Variants in EFHC2 observed in about 807,000 individuals in gnomAD.
EFHC2 encodes EF-hand domain containing 2.
A neutral mutation model predicts 52.7 loss-of-function variants in EFHC2; 18 were observed. The observed-to-expected ratio is 0.34, with a 90% confidence interval of 0.24 to 0.51. The LOEUF (loss-of-function observed/expected upper bound fraction) is 0.51, where lower values mean the gene tolerates loss of function less well. Ranked by LOEUF, EFHC2 falls within the 20% of genes least tolerant of loss-of-function variation. EFHC2 has a pLI of 0.97. For synonymous variants in EFHC2, 203 were observed against 204.1 expected, an observed-to-expected ratio of 0.99 and a Z score of 0.04; for missense variants, 513 against 562.5, an observed-to-expected ratio of 0.91 and a Z score of 0.89.
chrX:44,303,808 C>T (rs183741628), intron 2 of EFHC2, among the ~76,000 whole-genome samples: 1 of 110,921 alleles, frequency 9.0e-6, no homozygotes, highest in Admixed American at 9.6e-5. Context: ...TTCAATTGTG[C>T]GGTCAGTAGT....
chrX:44,152,383 G>A (rs977031502), intron 14 of EFHC2, among the ~76,000 whole-genome samples: 1 of 111,926 alleles, frequency 8.9e-6, no homozygotes, highest in Non-Finnish European at 1.9e-5. Context: ...AACTATGCTC[G>A]TCTGCGGGGC....
At chrX:44,324,153 A>G (rs1421877387) in intron 1 of EFHC2, among the ~76,000 whole-genome samples, 12 of 110,506 alleles carry the variant, frequency 1.1e-4, no homozygotes, top group Admixed American at 3.9e-4. Flanking sequence ...AACCTAAGAT[A>G]ATTTTCAGAC....
At chrX:44,163,805 T>C in intron 14 of EFHC2, 117 bp downstream of exon 14, 1 of 547,089 alleles carries the variant, frequency 1.8e-6, no homozygotes. Context: ...ACATAAGCAC[T>C]CTTTCCAAAA....
intron 14 of EFHC2, among the ~76,000 whole-genome samples, chrX:44,159,917 G>A (rs1008108927): frequency 1.8e-5 from 2 of 112,723 alleles, no homozygotes; most frequent in East Asian, 5.6e-4. Flanking sequence ...CTATGGGAGA[G>A]GTATTGTGGT....
At chrX:44,292,595 C>G (rs754667341) in intron 2 of EFHC2, among the ~76,000 whole-genome samples, 1 of 111,735 alleles carries the variant, frequency 8.9e-6, no homozygotes, top group Non-Finnish European at 1.9e-5. Context: ...TTTTCTTACA[C>G]TTATTCACAT....
chrX:44,207,999 T>A (rs1485211689), intron 11 of EFHC2, among the ~76,000 whole-genome samples: 2 of 112,227 alleles, frequency 1.8e-5, no homozygotes, highest in Non-Finnish European at 3.8e-5. Flanking sequence ...AAATAACAGA[T>A]GCTGGCAAGG....
At chrX:44,199,582 G>C (rs1036582104) in intron 11 of EFHC2, among the ~76,000 whole-genome samples, 2 of 112,121 alleles carry the variant, frequency 1.8e-5, no homozygotes, top group Non-Finnish European at 3.8e-5. Context: ...TAGCAGGTGA[G>C]TTTGAGAAAA....
intron 2 of EFHC2, among the ~76,000 whole-genome samples, chrX:44,293,014 G>T (rs1420304548): frequency 6.2e-5 from 6 of 96,431 alleles, no homozygotes; most frequent in African/African-American, 1.6e-4. Context: ...TCGCTCTGTC[G>T]CCCAGGCTGG....
chrX:44,161,253 T>C (rs374837277), intron 14 of EFHC2, among the ~76,000 whole-genome samples: 16 of 112,044 alleles, frequency 1.4e-4, no homozygotes, highest in African/African-American at 4.9e-4. Context: ...ATGGCAGACA[T>C]ATACAAACTG....
rs756268564 is a variant in EFHC2, at chrX:44,247,368, C to G, written c.1111+904G>C. On this transcript the variant is annotated intron_variant, in intron 7 of 14. Transcript: ENST00000420999. ...TCATCTCATTCTAGTGACAAAGCAC[C>G]TTGTCTTTCAAGAAGCTGCGGTTGC... Among the ~76,000 whole-genome samples the G allele has an allele frequency of 7.2e-5, 8 of 111,870 alleles. No homozygotes were observed. In the East Asian group the frequency reaches 2.3e-3, roughly 32 times the overall value.
rs1230061144 is a variant in EFHC2 at position 44,229,889 on chromosome X, G to T, written c.1621-110C>A. The T allele has an allele frequency of 1.1e-5, 9 of 805,625 alleles. No individual in the cohort carries two copies. The African/African-American group carries it at 1.9e-4, about 17-fold the overall frequency. The allele number at this position is 805,625 out of a possible 1,213,427, so 66.4% of individuals were successfully genotyped here. A position where few individuals can be genotyped will look rare whatever the true frequency, so the allele number is the denominator to read the frequency against. Reference sequence around the variant, plus strand: ...ACTTCACACTGTGAATATGAAGTTAGCAGATTTGTCTTTGCAAAGAAACCA... The same window carrying T: ...ACTTCACACTGTGAATATGAAGTTATCAGATTTGTCTTTGCAAAGAAACCA... On this transcript the variant is annotated intron_variant, in intron 10 of 14. Transcript: ENST00000420999.
At chrX:44,315,593 A>G (rs2037978082) in intron 1 of EFHC2, among the ~76,000 whole-genome samples, 1 of 111,192 alleles carries the variant, frequency 9.0e-6, no homozygotes, top group Non-Finnish European at 1.9e-5. Flanking sequence ...TCTGAACCTA[A>G]GATCATGTGA....
intron 11 of EFHC2, among the ~76,000 whole-genome samples, chrX:44,209,597 GTGACAAGCT>G (rs1241836732): frequency 6.4e-5 from 7 of 109,777 alleles, no homozygotes; most frequent in African/African-American, 2.3e-4. Flanking sequence ...AAAATATTTA[GTGACAAGCT>G]TGACACGAGA....
intron 1 of EFHC2, among the ~76,000 whole-genome samples, chrX:44,341,933 G>A (rs2038154214): frequency 8.9e-6 from 1 of 112,626 alleles, no homozygotes; most frequent in Admixed American, 9.4e-5. Flanking sequence ...GCACGTGAGA[G>A]CTATGATACT....
intron 1 of EFHC2, among the ~76,000 whole-genome samples, chrX:44,338,945 C>T (rs2038134460): frequency 9.0e-6 from 1 of 111,347 alleles, no homozygotes; most frequent in South Asian, 3.7e-4. Flanking sequence ...AATCCCAGCA[C>T]TTTGGGAGGC....
chrX:44,150,653 CTG>C (rs1360063117), intron 14 of EFHC2, among the ~76,000 whole-genome samples: 1 of 111,561 alleles, frequency 9.0e-6, no homozygotes, highest in African/African-American at 3.3e-5. Flanking sequence ...AGAAAAATGA[CTG>C]TGCCATAACC....
intron 7 of EFHC2, among the ~76,000 whole-genome samples, chrX:44,245,047 T>C (rs890223132): frequency 4.5e-5 from 5 of 111,916 alleles, no homozygotes; most frequent in Non-Finnish European, 9.4e-5. Context: ...CTTCATTTCA[T>C]AGGGGAAGCA....
chrX:44,302,594 T>C lies in EFHC2; in HGVS notation c.231+9974A>G, dbSNP rs186955070. Among the ~76,000 whole-genome samples the C allele has an allele frequency of 9.8e-5, 11 of 112,671 alleles. No individual in the cohort carries two copies. The East Asian group carries it at 3.0e-3, about 31-fold the overall frequency. On this transcript the variant is annotated intron_variant, in intron 2 of 14. Transcript: ENST00000420999. ...TTTATTCTTAGTGACAAATGCAGAA[T>C]GCATAGTTGAGAATTTGGGGTATGA...
intron 10 of EFHC2, among the ~76,000 whole-genome samples, chrX:44,230,972 T>C (rs777633019): frequency 1.8e-5 from 2 of 111,678 alleles, no homozygotes; most frequent in East Asian, 5.6e-4. Flanking sequence ...ATATCTAAGG[T>C]CCCTCAGCTA....
Sources: allele counts gnomAD v4.1 joint callset (sites outside exome capture counted in the v4.1 genomes callset), GRCh38; gene constraint gnomAD v4.1.1; transcripts MANE v1.5; gene names NCBI Gene and HGNC (gene_info 2026-07-23, HGNC 2026-07-21).